The following EXPH5 variants were observed in gnomAD, a reference collection of about 807,000 sequenced individuals.
EXPH5 encodes exophilin-5.
In EXPH5, 42 loss-of-function variants were observed where a neutral mutation model predicts 41.1. The observed-to-expected ratio is 1.02, with a 90% CI of 0.80 to 1.32. EXPH5 has a LOEUF of 1.32. Ranked by LOEUF, EXPH5 falls within the 40% of genes most tolerant of loss-of-function variation. The pLI is 0.00. For synonymous variants in EXPH5, 798 were observed against 833.5 expected, an observed-to-expected ratio of 0.96 and a Z score of 0.73; for missense variants, 2,298 against 2,314.5, an observed-to-expected ratio of 0.99 and a Z score of 0.15.
chr11:108,520,098 C>T (rs1323422116), intron 4 of EXPH5, among the ~76,000 whole-genome samples: 5 of 152,200 alleles, frequency 3.3e-5, no homozygotes, highest in African/African-American at 1.2e-4. Flanking sequence ...AATCAGGCTG[C>T]ACAGTGTGGG....
chr11:108,562,385 AGT>A (rs2094016569), intron 1 of EXPH5, among the ~76,000 whole-genome samples: 2 of 147,238 alleles, frequency 1.4e-5, no homozygotes, highest in South Asian at 4.3e-4. Context: ...TGAGGTCAGG[AGT>A]TTGAGACCAG....
chr11:108,603,118 T>C, the EXPH5 span, among the ~76,000 whole-genome samples: 1 of 152,186 alleles, frequency 6.6e-6, no homozygotes, highest in Admixed American at 6.5e-5. Context: ...TCTGCCACGA[T>C]TGTGAGTTTC....
In EXPH5 at chr11:108,510,664, G is replaced by C; in HGVS notation, c.4843C>G (p.His1615Asp). ...FPAKDVSPRR[H>D]VATIFPQSGS... ...CTTTGGGGGAAGATAGTAGCTACAT[G>C]TCTTCTGGGGCTTACATCTTTAGCT... The change falls in exon 6 of 6, where the codon CAT (histidine) becomes GAT (aspartate). Residue 1615 changes from histidine (H) to aspartate (D), a missense_variant. His to Asp is a moderately conservative substitution (Grantham distance 81, BLOSUM62 -1). Coordinates refer to ENST00000265843, the MANE Select transcript of EXPH5 (RefSeq NM_015065.3). The C allele has an allele frequency of 6.2e-7, 1 of 1,614,188 alleles. No individual in the cohort carries two copies. The highest frequency in any genetic ancestry group is 8.5e-7 in the Non-Finnish European group (1 of 1,180,032).
chr11:108,556,149 A>G (rs554199974), intron 1 of EXPH5, among the ~76,000 whole-genome samples: 2 of 152,352 alleles, frequency 1.3e-5, no homozygotes, highest in South Asian at 4.1e-4. Flanking sequence ...GGAACAATAA[A>G]GCAGCATAAT....
chr11:108,585,864 A>G (rs539037673), intron 1 of EXPH5, among the ~76,000 whole-genome samples: 1 of 152,350 alleles, frequency 6.6e-6, no homozygotes, highest in South Asian at 2.1e-4. Context: ...GAAAGGATAA[A>G]CGAACTGTAG....
chr11:108,544,271 C>A (rs986670002), intron 1 of EXPH5, among the ~76,000 whole-genome samples: 1 of 152,122 alleles, frequency 6.6e-6, no homozygotes, highest in Admixed American at 6.6e-5. Flanking sequence ...CTCACTGAAG[C>A]CTTGACCTCC....
intron 1 of EXPH5, chr11:108,552,145 A>G (rs10890859): frequency 0.3 from 36,473 of 119,606 alleles, 5,102 homozygotes; most frequent in African/African-American, 0.41. Flanking sequence ...CCCAATCAGA[A>G]AGAGGCAGAG....
At chr11:108,518,458 C>A in intron 4 of EXPH5, 85 bp from the exon 5 acceptor site, 1 of 1,261,348 alleles carries the variant, frequency 7.9e-7, no homozygotes, top group Non-Finnish European at 1.1e-6. Flanking sequence ...CTGTCCCAAG[C>A]TTAAAAGTAT....
At chr11:108,552,624 T>A (rs529866981) in intron 1 of EXPH5, among the ~76,000 whole-genome samples, 10 of 152,286 alleles carry the variant, frequency 6.6e-5, no homozygotes, top group African/African-American at 1.7e-4. Flanking sequence ...TTTCTGTATT[T>A]AAAAAATTGA....
the EXPH5 span, among the ~76,000 whole-genome samples, chr11:108,605,023 G>A: frequency 6.6e-6 from 1 of 152,116 alleles, no homozygotes; most frequent in South Asian, 2.1e-4. Flanking sequence ...AGAGGTGAGT[G>A]GACAGGAGGG....
Position 108,573,478 on chromosome 11 carries a change from T to G in EXPH5, c.119+19940A>C, listed in dbSNP as rs79533408. Among the ~76,000 whole-genome samples the G allele has an allele frequency of 3.0e-3, 458 of 152,348 alleles. 3 individuals carry two copies. The highest frequency in any genetic ancestry group is 0.011 in the African/African-American group (444 of 41,588). On this transcript the variant is annotated intron_variant, in intron 1 of 5. Transcript: ENST00000265843. ...GTATAGGTATAACAACAATCACACT[T>G]CTCTGTATGAAAGCTGTGTTTTCCC...
At position 108,514,525 on chromosome 11, in the gene EXPH5, G is replaced by T. The variant is rs200777871; in HGVS notation, c.982C>A (p.Arg328=). The change falls in exon 6 of 6, where the codon CGG becomes AGG. Residue 328 remains arginine, a synonymous_variant. Transcript: ENST00000265843. ...STSLCFDSRQ[R]SALPATGHFT... is the part of the protein sequence containing the mutation. ...TGCCCTGTGGCTGGTAAGGCCGACC[G>T]TTGCCTGCTGTCAAAACACAGCGAA... 6.2e-7 allele frequency: 1 copy of T among 1,612,604 alleles called. No individual in the cohort carries two copies. The highest frequency in any genetic ancestry group is 2.2e-5 in the East Asian group (1 of 44,884).
chr11:108,578,876 T>C (rs1418890974), intron 1 of EXPH5, among the ~76,000 whole-genome samples: 1 of 152,214 alleles, frequency 6.6e-6, no homozygotes, highest in Non-Finnish European at 1.5e-5. Flanking sequence ...GACTGAATTC[T>C]TTTATCAGTT....
chr11:108,535,770 C>T (rs1228019618), intron 3 of EXPH5, among the ~76,000 whole-genome samples: 2 of 152,168 alleles, frequency 1.3e-5, no homozygotes, highest in Admixed American at 6.5e-5. Flanking sequence ...GGTGGATCCA[C>T]CAAGGCTCTT....
chr11:108,539,257 T>C (rs936695267), intron 2 of EXPH5, 71 bp from the exon 3 acceptor site: 3 of 1,163,514 alleles, frequency 2.6e-6, no homozygotes, highest in African/African-American at 3.1e-5. Context: ...AATGAAGCCT[T>C]TGCTCTTGTG....
upstream of EXPH5, among the ~76,000 whole-genome samples, chr11:108,597,483 C>T (rs890152187): frequency 1.3e-5 from 2 of 152,306 alleles, no homozygotes; most frequent in East Asian, 1.9e-4. Context: ...AAAGTAATAA[C>T]ACATTATTAT....
At chr11:108,572,942 C>T (rs144462749) in intron 1 of EXPH5, among the ~76,000 whole-genome samples, 17 of 151,670 alleles carry the variant, frequency 1.1e-4, no homozygotes, top group East Asian at 3.9e-4. Context: ...AGTTAAAAAA[C>T]GGGCTGCTCG....
upstream of EXPH5, among the ~76,000 whole-genome samples, chr11:108,598,189 T>C (rs2094141383): frequency 6.6e-6 from 1 of 152,158 alleles, no homozygotes; most frequent in Non-Finnish European, 1.5e-5. Flanking sequence ...AAGCCAGACA[T>C]GTGAAGAACT....
intron 3 of EXPH5, among the ~76,000 whole-genome samples, chr11:108,536,339 C>T (rs938857496): frequency 2.2e-4 from 33 of 151,516 alleles, no homozygotes; most frequent in African/African-American, 6.8e-4. Flanking sequence ...TGCAGCGGCT[C>T]ACCGTACCCT....
Sources: gnomAD v4.1 joint callset for allele counts (sites outside exome capture counted in the v4.1 genomes callset) on GRCh38, gnomAD v4.1.1 for gene constraint, MANE v1.5 for transcripts, NCBI Gene and HGNC (gene_info 2026-07-23, HGNC 2026-07-21) for gene names.